The following MARCHF1 variants were observed in gnomAD, a reference collection of about 807,000 sequenced individuals.
MARCHF1 encodes membrane associated ring-CH-type finger 1, also known as E3 ubiquitin-protein ligase MARCHF1.
In MARCHF1, 40 loss-of-function variants were observed where a neutral mutation model predicts 54.2. The observed-to-expected ratio is 0.74, with a 90% CI of 0.57 to 0.96. MARCHF1 has a LOEUF of 0.96. MARCHF1 is among the 40% of genes least tolerant of loss of function. MARCHF1 has a pLI of 0.00. For synonymous variants in MARCHF1, 236 were observed against 236.3 expected (o/e 1.00, Z 0.01); for missense variants, 586 against 656.5 (o/e 0.89, Z 1.17).
chr4:164,245,606 C>T (rs1178472235), intron 1 of MARCHF1, among the ~76,000 whole-genome samples: 25 of 151,842 alleles, frequency 1.6e-4, no homozygotes, highest in Non-Finnish European at 2.2e-4. Flanking sequence ...CCAGGGCAAT[C>T]AGGCAGGAGA....
intron 2 of MARCHF1, among the ~76,000 whole-genome samples, chr4:164,102,877 G>C (rs878922252): frequency 1.2e-5 from 1 of 84,996 alleles, no homozygotes; most frequent in African/African-American, 5.5e-5. Context: ...CCCATCTCAC[G>C]TGCGGAGACA....
intron 4 of MARCHF1, among the ~76,000 whole-genome samples, chr4:163,725,175 T>C (rs1331822282): frequency 6.6e-6 from 1 of 152,196 alleles, no homozygotes; most frequent in Non-Finnish European, 1.5e-5. Flanking sequence ...TTATAATGGC[T>C]CTAGAAAATC....
At chr4:163,639,540 T>G (rs79740240) in intron 5 of MARCHF1, among the ~76,000 whole-genome samples, 36,782 of 152,120 alleles carry the variant, frequency 0.24, 5,268 homozygotes, top group Non-Finnish European at 0.31. Flanking sequence ...AACAGAAAAA[T>G]TTTTACTTTG....
rs1232530889 is a variant in MARCHF1, at chr4:163,696,174, A to C, written c.162+4639T>G. 2.0e-5 allele frequency among the ~76,000 whole-genome samples: 3 copies of C among 152,142 alleles called. No individual in the cohort carries two copies. In the East Asian group the frequency reaches 5.8e-4, roughly 29 times the overall value. The stretch of plus-strand genomic sequence containing the variant: ...GAAATATAAATTAATAAAAAAGTAA[A>C]TTTTGCAAGGACCATAAAATTCAAA... On this transcript the variant is annotated intron_variant, in intron 5 of 9. Coordinates refer to ENST00000514618, the MANE Select transcript of MARCHF1 (RefSeq NM_001394959.1).
intron 4 of MARCHF1, among the ~76,000 whole-genome samples, chr4:163,762,024 G>C (rs534614967): frequency 1.2e-4 from 18 of 152,204 alleles, no homozygotes; most frequent in African/African-American, 3.9e-4. Context: ...GGAAAATAAA[G>C]CAATAGGACA....
chr4:163,959,324 C>A (rs1425051447), intron 3 of MARCHF1, among the ~76,000 whole-genome samples: 2 of 128,260 alleles, frequency 1.6e-5, no homozygotes, highest in Admixed American at 7.4e-5. Flanking sequence ...AAAACAACAA[C>A]AACAACAAAA....
At chr4:163,859,473 C>A (rs1398354811) in intron 3 of MARCHF1, among the ~76,000 whole-genome samples, 1 of 151,580 alleles carries the variant, frequency 6.6e-6, no homozygotes, top group Admixed American at 6.6e-5. Context: ...GATTCTCCTG[C>A]CTCAGCCTCC....
chr4:163,572,087 A>C (rs990025457), intron 8 of MARCHF1, among the ~76,000 whole-genome samples: 4 of 152,178 alleles, frequency 2.6e-5, no homozygotes, highest in Non-Finnish European at 4.4e-5. Flanking sequence ...TAAATTTAAA[A>C]AAATATATAG....
intron 8 of MARCHF1, among the ~76,000 whole-genome samples, chr4:163,553,380 C>T (rs1006243072): frequency 3.9e-5 from 6 of 152,180 alleles, no homozygotes; most frequent in African/African-American, 1.4e-4. Context: ...GAGATTTGTT[C>T]AGGCAGAATT....
At chr4:164,345,808 A>AT (rs1367097490) in intron 1 of MARCHF1, among the ~76,000 whole-genome samples, 2 of 151,430 alleles carry the variant, frequency 1.3e-5, no homozygotes, top group African/African-American at 4.9e-5. Flanking sequence ...AAAGTTGTTT[A>AT]TTTTTTTCTA....
chr4:164,221,399 T>C (rs544790571), intron 1 of MARCHF1, among the ~76,000 whole-genome samples: 1 of 151,936 alleles, frequency 6.6e-6, no homozygotes, highest in East Asian at 1.9e-4. Flanking sequence ...ACTACAATAG[T>C]GGAAGAACTA....
At chr4:164,202,606 C>T (rs1731484648) in intron 1 of MARCHF1, among the ~76,000 whole-genome samples, 1 of 152,088 alleles carries the variant, frequency 6.6e-6, no homozygotes, top group South Asian at 2.1e-4. Flanking sequence ...GTTTCAGAAA[C>T]CTGTTCAAGG....
At chr4:163,586,589 TCAA>T (rs1740421447) in intron 7 of MARCHF1, among the ~76,000 whole-genome samples, 1 of 152,214 alleles carries the variant, frequency 6.6e-6, no homozygotes, top group South Asian at 2.1e-4. Context: ...CACCAGCACA[TCAA>T]CAATGCACTG....
intron 3 of MARCHF1, among the ~76,000 whole-genome samples, chr4:163,902,633 A>G (rs904364636): frequency 6.6e-6 from 1 of 152,172 alleles, no homozygotes; most frequent in Admixed American, 6.6e-5. Flanking sequence ...GAAAAGCCCA[A>G]ACTGTCACAA....
intron 5 of MARCHF1, among the ~76,000 whole-genome samples, chr4:163,615,193 G>A (rs1741471561): frequency 6.6e-6 from 1 of 152,042 alleles, no homozygotes; most frequent in East Asian, 1.9e-4. Flanking sequence ...GGTCCCAGGA[G>A]GTGGGGTGAT....
chr4:163,898,289 C>A (rs1750859650), intron 3 of MARCHF1, among the ~76,000 whole-genome samples: 1 of 151,924 alleles, frequency 6.6e-6, no homozygotes, highest in South Asian at 2.1e-4. Context: ...GTAAATTATG[C>A]CTCTGACAAA....
chr4:163,584,560 C>T (rs1740344710), intron 8 of MARCHF1: 1 of 151,940 alleles, frequency 6.6e-6, no homozygotes, highest in African/African-American at 2.4e-5. Flanking sequence ...TCAGGTTACC[C>T]CATTGTTAAA....
At chr4:164,147,138 C>T in intron 1 of MARCHF1, among the ~76,000 whole-genome samples, 1 of 152,060 alleles carries the variant, frequency 6.6e-6, no homozygotes, top group Non-Finnish European at 1.5e-5. Flanking sequence ...CATCTCACAC[C>T]AGTTAGAATG....
intron 1 of MARCHF1, among the ~76,000 whole-genome samples, chr4:164,158,550 C>T (rs1178791607): frequency 6.6e-6 from 1 of 151,992 alleles, no homozygotes; most frequent in Admixed American, 6.6e-5. Flanking sequence ...CTAAGACAGG[C>T]AAATCACTTG....
Sources: allele counts gnomAD v4.1 joint callset (sites outside exome capture counted in the v4.1 genomes callset), GRCh38; gene constraint gnomAD v4.1.1; transcripts MANE v1.5; gene names NCBI Gene and HGNC (gene_info 2026-07-23, HGNC 2026-07-21).